The following NRXN2 variants were observed in gnomAD, a reference collection of about 807,000 sequenced individuals.
The protein encoded by NRXN2 is neurexin-2-beta.
A neutral mutation model predicts 128.8 loss-of-function variants in NRXN2; 29 were observed. The observed-to-expected ratio is 0.23, with a 90% CI of 0.17 to 0.31. The LOEUF (loss-of-function observed/expected upper bound fraction) is 0.31, where lower values mean the gene tolerates loss of function less well. Ranked by LOEUF, NRXN2 falls within the 10% of genes least tolerant of loss-of-function variation. The pLI is 1.00. For missense variants in NRXN2, 1,881 were observed against 2,452.6 expected (o/e 0.77, Z 4.92); for synonymous variants, 1,098 against 1,075.2 (o/e 1.02, Z -0.41).
chr11:64,667,142 A>G lies in NRXN2; in HGVS notation c.1798+108T>C. 1 of 1,120,488 alleles carries G rather than the reference A, an allele frequency of 8.9e-7. No individual in the cohort carries two copies. The highest frequency in any genetic ancestry group is 1.3e-6 in the Non-Finnish European group (1 of 758,728). 69.4% of individuals were successfully genotyped at this position (1,120,488 alleles called of 1,614,324 possible). On this transcript the variant is annotated intron_variant, in intron 9 of 22. Transcript: ENST00000265459. This position sits in a 1 kb window ranked among gnomAD's most constrained non-coding sequence, Gnocchi z 5.6. ...GGTGGAGGAGAAGCGGCAGGGAAGA[A>G]TATAGGAAATGGTGTAGAAGAGACC...
intron 7 of NRXN2, among the ~76,000 whole-genome samples, chr11:64,674,269 C>T (rs567494575): frequency 1.3e-5 from 2 of 152,144 alleles, no homozygotes; most frequent in Non-Finnish European, 2.9e-5. Context: ...CAGCTCACTG[C>T]AACCTCCGCT....
At position 64,607,459 on chromosome 11, in the gene NRXN2, C is replaced by T; in HGVS notation, c.4876G>A (p.Val1626Met). 9 of 1,610,106 alleles carry T rather than the reference C, an allele frequency of 5.6e-6. No individual in the cohort carries two copies. Among genetic ancestry groups the T allele is most frequent in the Non-Finnish European group, 7.6e-6 (9 of 1,179,292 alleles). Reference protein sequence around the residue: ...GPGERGPPGAVEVIRESSSTT... With the variant: ...GPGERGPPGAMEVIRESSSTT... ...CTGCTGGACTCCCGGATCACCTCCA[C>T]TGCGCCCGGCGGGCCCCGCTCCCCA... The change falls in exon 23 of 23, where the codon GTG (valine) becomes ATG (methionine). Residue 1626 changes from valine (V) to methionine (M), a missense_variant. Val to Met is a conservative substitution (Grantham distance 21). Around this residue, in one of 7 missense-constraint regions of NRXN2, gnomAD observed 310 missense variants for 318.2 expected, o/e 0.97. Coordinates refer to ENST00000265459, the MANE Select transcript of NRXN2 (RefSeq NM_015080.4).
At position 64,685,937 on chromosome 11, in the gene NRXN2, C is replaced by T; in HGVS notation, c.861G>A (p.Glu287=). Reference sequence around the variant, plus strand: ...CATTGCCTTTGAAGGTCGCCACAAACTCCTCCTTGCCTGGATGCCGTGGTG... The same window carrying T: ...CATTGCCTTTGAAGGTCGCCACAAATTCCTCCTTGCCTGGATGCCGTGGTG... ...DVHQPTKGKE[E]FVATFKGNEF... Residue 287 remains glutamate (E), a synonymous_variant, in exon 6 of 23, where the codon GAG becomes GAA. Coordinates refer to ENST00000265459, the MANE Select transcript of NRXN2 (RefSeq NM_015080.4). 1 of 1,614,168 alleles carries T rather than the reference C, an allele frequency of 6.2e-7. No individual in the cohort carries two copies. Among genetic ancestry groups the T allele is most frequent in the Non-Finnish European group, 8.5e-7 (1 of 1,180,034 alleles).
chr11:64,709,863 A>G (rs2056720471), intron 2 of NRXN2, among the ~76,000 whole-genome samples: 1 of 149,148 alleles, frequency 6.7e-6, no homozygotes, highest in African/African-American at 2.5e-5. Context: ...CCCTGCCCCT[A>G]CCAGCTGGCG....
intron 19 of NRXN2, among the ~76,000 whole-genome samples, chr11:64,627,552 T>A (rs2043253431): frequency 6.6e-6 from 1 of 151,476 alleles, no homozygotes; most frequent in African/African-American, 2.4e-5. Context: ...CCAGCCCCCA[T>A]CTCTTCTGCA....
In NRXN2 at chr11:64,653,732, C is replaced by A; in HGVS notation, c.2390-10G>T. Reference sequence around the variant, plus strand: ...CCGACGCGCAGGCAGTCTGGGGGGGCCATGGGGCGGGCAGAGGGGAAGGGG... The same window carrying A: ...CCGACGCGCAGGCAGTCTGGGGGGGACATGGGGCGGGCAGAGGGGAAGGGG... On this transcript the variant is annotated splice_polypyrimidine_tract_variant and intron_variant, in intron 11 of 22. Coordinates refer to ENST00000265459, the MANE Select transcript of NRXN2 (RefSeq NM_015080.4). 1 of 1,588,402 alleles carries A rather than the reference C, an allele frequency of 6.3e-7. No homozygotes were observed.
In NRXN2 at chr11:64,651,220, C is replaced by T; in HGVS notation, c.2918+35G>A. 6.2e-7 allele frequency: 1 copy of T among 1,613,090 alleles called. No homozygotes were observed. Among genetic ancestry groups the T allele is most frequent in the Non-Finnish European group, 8.5e-7 (1 of 1,179,956 alleles). ...GTGGTTCAGCAGGGGGAGGGGGCCA[C>T]CTCCTTGACAGCAGTGCAATCCCCA... On this transcript the variant is annotated intron_variant, in intron 14 of 22. Coordinates refer to ENST00000265459, the MANE Select transcript of NRXN2 (RefSeq NM_015080.4). The surrounding 1 kb of genome is among the most constrained non-coding windows in gnomAD (Gnocchi z 5.9).
chr11:64,679,699 C>T (rs2051910994), intron 6 of NRXN2, among the ~76,000 whole-genome samples: 2 of 152,106 alleles, frequency 1.3e-5, no homozygotes, highest in South Asian at 4.1e-4. Flanking sequence ...GGGCCTTCCA[C>T]TAATTTGACA....
chr11:64,622,726 A>C lies in NRXN2; in HGVS notation c.4173+27T>G, dbSNP rs1370206302. On this transcript the variant is annotated intron_variant, in intron 21 of 22. Coordinates refer to ENST00000265459, the MANE Select transcript of NRXN2 (RefSeq NM_015080.4). The surrounding 1 kb of genome is among the most constrained non-coding windows in gnomAD (Gnocchi z 4.3). ...CCCCATCCCCACCTATCCCTGCCCT[A>C]ATCCACCAGCCAGAGTGGGGCCTCA... 1 of 1,597,558 alleles carries C rather than the reference A, an allele frequency of 6.3e-7. No homozygotes were observed.
intron 9 of NRXN2, among the ~76,000 whole-genome samples, chr11:64,666,204 ATTTTTTTTTT>A (rs35403625): frequency 2.9e-5 from 4 of 137,196 alleles, no homozygotes; most frequent in African/African-American, 8.2e-5. Flanking sequence ...GAGTGAGTTA[ATTTTTTTTTT>A]TTTTTTTTTG....
At chr11:64,608,429 G>T (rs1276194871) in intron 22 of NRXN2, among the ~76,000 whole-genome samples, 1 of 149,442 alleles carries the variant, frequency 6.7e-6, no homozygotes, top group Non-Finnish European at 1.5e-5. Context: ...TACAACAGCA[G>T]CATTTAAACA....
chr11:64,688,886 G>C, intron 5 of NRXN2: 1 of 841,268 alleles, frequency 1.2e-6, no homozygotes, highest in Non-Finnish European at 1.4e-6. Context: ...CCCTACTCTC[G>C]AGCTCTACAG....
chr11:64,608,512 G>A (rs1046898900), intron 22 of NRXN2, among the ~76,000 whole-genome samples: 1 of 50,980 alleles, frequency 2.0e-5, no homozygotes, highest in African/African-American at 6.2e-5. Flanking sequence ...TTTTTTTTTT[G>A]CTTTTGTTTT....
chr11:64,720,457 A>C (rs888456901), intron 1 of NRXN2, among the ~76,000 whole-genome samples: 1 of 151,748 alleles, frequency 6.6e-6, no homozygotes, highest in African/African-American at 2.4e-5. Flanking sequence ...CTTGTGCCTG[A>C]GGATTAATGC....
intron 2 of NRXN2, among the ~76,000 whole-genome samples, chr11:64,700,867 A>AG (rs953979746): frequency 5.5e-4 from 84 of 152,284 alleles, no homozygotes; most frequent in African/African-American, 2.0e-3. Context: ...CAATATGTCT[A>AG]GGGTGGGCCT....
intron 1 of NRXN2, among the ~76,000 whole-genome samples, chr11:64,721,865 T>TA (rs2057440975): frequency 6.6e-6 from 1 of 151,888 alleles, no homozygotes; most frequent in Admixed American, 6.6e-5. Flanking sequence ...ACCCACCCCC[T>TA]AAAAATCTAT....
Position 64,639,725 on chromosome 11 carries a change from AGAG to A in NRXN2, c.3404-4276_3404-4274del, listed in dbSNP as rs546138185. ...GCAGGGTAAATGGGGGATGGTGTGA[AGAG>A]AAGAGAGGAGAGAAGGCAAGTAGAA... On this transcript the variant is annotated intron_variant, in intron 17 of 22. Coordinates refer to ENST00000265459, the MANE Select transcript of NRXN2 (RefSeq NM_015080.4). 2.5e-4 allele frequency among the ~76,000 whole-genome samples: 38 copies of A among 152,162 alleles called. 1 individual carries two copies. In the South Asian group the frequency reaches 7.5e-3, roughly 30 times the overall value.
chr11:64,652,240 C>A, intron 12 of NRXN2, 86 bp from the exon 13 acceptor site: 2 of 1,511,236 alleles, frequency 1.3e-6, no homozygotes, highest in South Asian at 2.4e-5. Flanking sequence ...CAGACAGCCT[C>A]CCCATCCCCG....
chr11:64,609,838 C>T (rs1342614838), intron 22 of NRXN2, among the ~76,000 whole-genome samples: 1 of 152,118 alleles, frequency 6.6e-6, no homozygotes, highest in Admixed American at 6.5e-5. Context: ...TCGCTGGTCT[C>T]TGCAGGGTGT....
Sources: allele counts gnomAD v4.1 joint callset (sites outside exome capture counted in the v4.1 genomes callset), GRCh38; gene constraint gnomAD v4.1.1; regional missense constraint gnomAD v4.1.1; non-coding constraint Gnocchi (gnomAD v3.1); transcripts MANE v1.5; gene names NCBI Gene and HGNC (gene_info 2026-07-23, HGNC 2026-07-21).